DAPK1: variants seen among roughly 807,000 people sequenced by gnomAD.
DAPK1 encodes death-associated protein kinase 1.
In DAPK1, 56 loss-of-function variants were observed where a neutral mutation model predicts 144.9. That is an observed-to-expected ratio of 0.39 (90% CI 0.31 to 0.48). The LOEUF (loss-of-function observed/expected upper bound fraction) is 0.48, where lower values mean the gene tolerates loss of function less well. Ranked by LOEUF, DAPK1 falls within the 20% of genes least tolerant of loss-of-function variation. DAPK1 has a pLI of 0.95. For missense variants in DAPK1, 1,454 were observed against 1,875.4 expected, an observed-to-expected ratio of 0.78 and a Z score of 4.15; for synonymous variants, 690 against 749.0, an observed-to-expected ratio of 0.92 and a Z score of 1.29.
intron 20 of DAPK1, among the ~76,000 whole-genome samples, chr9:87,684,458 A>T (rs1468942321): frequency 6.6e-6 from 1 of 152,198 alleles, no homozygotes. Flanking sequence ...ATCAGACAGC[A>T]AGAAGTTTGC....
chr9:87,672,607 C>T (rs7022667), intron 19 of DAPK1, among the ~76,000 whole-genome samples: 2,587 of 152,184 alleles, frequency 0.017, 61 homozygotes, highest in African/African-American at 0.059. Context: ...TCAAGGAGTC[C>T]CTGGAATTTG....
At chr9:87,612,335 A>C (rs1044652433) in intron 3 of DAPK1, among the ~76,000 whole-genome samples, 1 of 152,208 alleles carries the variant, frequency 6.6e-6, no homozygotes, top group Non-Finnish European at 1.5e-5. Flanking sequence ...AGCACAGAGA[A>C]CCTAATCTGA....
At chr9:87,645,849 T>G (rs1712367399) in intron 11 of DAPK1, 46 bp from the exon 12 acceptor site, 2 of 1,602,342 alleles carry the variant, frequency 1.2e-6, no homozygotes, top group Admixed American at 3.4e-5. Context: ...AAGAAAAGCA[T>G]GGCTAGCAAT....
intron 9 of DAPK1, among the ~76,000 whole-genome samples, chr9:87,641,568 A>G (rs925396075): frequency 3.9e-5 from 6 of 152,184 alleles, no homozygotes; most frequent in African/African-American, 1.2e-4. Context: ...AAAAGATACA[A>G]TACAAGGAAT....
At chr9:87,638,622 G>A in intron 4 of DAPK1, among the ~76,000 whole-genome samples, 1 of 152,232 alleles carries the variant, frequency 6.6e-6, no homozygotes, top group Non-Finnish European at 1.5e-5. Flanking sequence ...CACGACAGGA[G>A]CAATAGGAAG....
intron 2 of DAPK1, among the ~76,000 whole-genome samples, chr9:87,594,202 G>T (rs1039085069): frequency 3.3e-5 from 5 of 152,072 alleles, no homozygotes; most frequent in African/African-American, 1.2e-4. Flanking sequence ...TCCACCAAAG[G>T]CCCTGTTTAG....
At chr9:87,528,215 CTTTCT>C (rs1022045752) in intron 2 of DAPK1, among the ~76,000 whole-genome samples, 7 of 85,194 alleles carry the variant, frequency 8.2e-5, no homozygotes, top group African/African-American at 1.6e-4. Context: ...TCTTTTCTTT[CTTTCT>C]TTTTTTTTTT....
At chr9:87,653,434 T>C (rs1215118761) in intron 17 of DAPK1, among the ~76,000 whole-genome samples, 1 of 152,222 alleles carries the variant, frequency 6.6e-6, no homozygotes. Context: ...ATTTCATAGA[T>C]AAACAGAAAA....
At chr9:87,550,117 C>T (rs963685984) in intron 2 of DAPK1, among the ~76,000 whole-genome samples, 1 of 152,184 alleles carries the variant, frequency 6.6e-6, no homozygotes, top group Admixed American at 6.6e-5. Flanking sequence ...ACATGAACCC[C>T]TGTCAGGATA....
chr9:87,549,276 C>G (rs970610957), intron 2 of DAPK1, among the ~76,000 whole-genome samples: 1 of 152,098 alleles, frequency 6.6e-6, no homozygotes, highest in Admixed American at 6.5e-5. Context: ...GATCTCATTC[C>G]TTTTTATGGC....
chr9:87,688,854 A>G (rs903862403), intron 21 of DAPK1, among the ~76,000 whole-genome samples: 3 of 152,072 alleles, frequency 2.0e-5, no homozygotes, highest in Non-Finnish European at 4.4e-5. Context: ...TTTTGGATGC[A>G]TAGTTTGTGA....
intron 3 of DAPK1, among the ~76,000 whole-genome samples, chr9:87,606,764 T>TCCTC (rs1225975173): frequency 7.5e-5 from 7 of 93,632 alleles, no homozygotes; most frequent in African/African-American, 2.6e-4. Flanking sequence ...TTTCCTTCCT[T>TCCTC]CCTCCCTCCC....
chr9:87,532,514 T>A (rs760260523), intron 2 of DAPK1, among the ~76,000 whole-genome samples: 3 of 152,222 alleles, frequency 2.0e-5, no homozygotes, highest in Non-Finnish European at 4.4e-5. Flanking sequence ...ATGTTGTGCC[T>A]TTATCCTATG....
intron 3 of DAPK1, chr9:87,632,931 G>T (rs1829758489): frequency 2.3e-6 from 2 of 884,366 alleles, no homozygotes; most frequent in African/African-American, 4.4e-5. Flanking sequence ...TAAATGAAGG[G>T]TGATCAGTAT....
chr9:87,694,393 G>C (rs1466965899), intron 21 of DAPK1, among the ~76,000 whole-genome samples: 1 of 152,166 alleles, frequency 6.6e-6, no homozygotes, highest in Non-Finnish European at 1.5e-5. Flanking sequence ...CAGGCTCTTA[G>C]GGGATTGTGA....
chr9:87,668,317 T>A, intron 18 of DAPK1: 1 of 420,982 alleles, frequency 2.4e-6, no homozygotes, highest in South Asian at 2.7e-5. Flanking sequence ...GAGGAGGCTG[T>A]TGAGTTGTGA....
intron 2 of DAPK1, among the ~76,000 whole-genome samples, chr9:87,553,166 G>A (rs1826561167): frequency 6.6e-6 from 1 of 152,036 alleles, no homozygotes; most frequent in African/African-American, 2.4e-5. Flanking sequence ...GTTCCAGCTG[G>A]CCAGCTAGGC....
chr9:87,550,278 A>G (rs576758431), intron 2 of DAPK1, among the ~76,000 whole-genome samples: 1 of 152,366 alleles, frequency 6.6e-6, no homozygotes, highest in South Asian at 2.1e-4. Context: ...ATGAGATCCT[A>G]GAATGTGTTT....
At chr9:87,664,129 A>G (rs1830966410) in intron 18 of DAPK1, among the ~76,000 whole-genome samples, 1 of 151,900 alleles carries the variant, frequency 6.6e-6, no homozygotes, top group Admixed American at 6.5e-5. Context: ...AGTGGGCTCC[A>G]CTTTCACCTC....
Sources: gnomAD v4.1 joint callset for allele counts (sites outside exome capture counted in the v4.1 genomes callset) on GRCh38, gnomAD v4.1.1 for gene constraint, MANE v1.5 for transcripts, NCBI Gene and HGNC (gene_info 2026-07-23, HGNC 2026-07-21) for gene names.